PXDN: variants seen among roughly 807,000 people sequenced by gnomAD.
PXDN encodes the protein peroxidasin.
PXDN carries 77 observed loss-of-function variants against 140.3 expected under a neutral mutation model. That is an observed-to-expected ratio of 0.55 (90% CI 0.46 to 0.66). PXDN has a LOEUF of 0.66. PXDN is among the 30% of genes least tolerant of loss of function. PXDN has a pLI of 0.00. For missense variants in PXDN, 1,838 were observed against 2,039.5 expected (o/e 0.90, Z 1.90); for synonymous variants, 911 against 857.4 (o/e 1.06, Z -1.09).
At chr2:1,667,703 T>C (rs1319510728) in intron 9 of PXDN, among the ~76,000 whole-genome samples, 3 of 152,138 alleles carry the variant, frequency 2.0e-5, no homozygotes, top group South Asian at 2.1e-4. Flanking sequence ...CCATTCATGA[T>C]TGCTACAAAG....
Position 1,737,602 on chromosome 2 carries a change from C to T in PXDN, c.200+6654G>A, listed in dbSNP as rs189276418. Among the ~76,000 whole-genome samples the T allele has an allele frequency of 4.2e-4, 64 of 151,834 alleles. 1 individual carries two copies. The East Asian group carries it at 0.012, about 28-fold the overall frequency. ...TCCCCCAAGCTGGAGTTCAGTGGCACGATCTCAACTCACTGCAACCTCTGC... is the reference window on the plus strand; with the variant it reads ...TCCCCCAAGCTGGAGTTCAGTGGCATGATCTCAACTCACTGCAACCTCTGC... On this transcript the variant is annotated intron_variant, in intron 1 of 22. Transcript: ENST00000252804.
chr2:1,744,690 G>T (rs1479125089), upstream of PXDN: 3 of 332,276 alleles, frequency 9.0e-6, no homozygotes, highest in Admixed American at 5.0e-5. Context: ...CGGCCCGCAT[G>T]GCCAAGGCGA....
In PXDN at chr2:1,693,087, C is replaced by A; in HGVS notation, c.248G>T (p.Arg83Met). The A allele has an allele frequency of 6.4e-7, 1 of 1,558,422 alleles. No individual in the cohort carries two copies. Among genetic ancestry groups the A allele is most frequent in the Non-Finnish European group, 8.7e-7 (1 of 1,149,086 alleles). ...RIREIQPGAF[R>M]RLRNLNTLLL... Reference sequence around the variant, plus strand: ...CAATGTGTTCAAGTTCCTCAGCCGCCTGAATGCCCCAGGTTGGATCTCTCT... The same window carrying A: ...CAATGTGTTCAAGTTCCTCAGCCGCATGAATGCCCCAGGTTGGATCTCTCT... Residue 83 changes from arginine to methionine, a missense_variant, in exon 2 of 23, where the codon AGG (arginine) becomes ATG (methionine). Physicochemically the swap from Arg to Met is moderately conservative, Grantham distance 91. Transcript: ENST00000252804.
chr2:1,730,587 C>A (rs975315274), intron 1 of PXDN, among the ~76,000 whole-genome samples: 1 of 152,324 alleles, frequency 6.6e-6, no homozygotes, highest in African/African-American at 2.4e-5. Flanking sequence ...CAGCCACAGG[C>A]AGGGGAGGAG....
rs771155543 is a variant in PXDN, at chr2:1,687,667, C to T, written c.381G>A (p.Arg127=). 2 of 1,533,298 alleles carry T rather than the reference C, an allele frequency of 1.3e-6. No homozygotes were observed. The highest frequency in any genetic ancestry group is 1.1e-5 in the South Asian group (1 of 87,608). 95.0% of individuals were successfully genotyped at this position (1,533,298 alleles called of 1,614,324 possible). ...GAGAGGCAAGTCCCTTAAATGCTTGCCTGTCAATTGACTGGATCTCATTCT... is the reference window on the plus strand; with the variant it reads ...GAGAGGCAAGTCCCTTAAATGCTTGTCTGTCAATTGACTGGATCTCATTCT... ...LYKNEIQSID[R]QAFKGLASLE... is the part of the protein sequence containing the mutation. Residue 127 remains arginine, a synonymous_variant, in exon 4 of 23, where the codon AGG becomes AGA. Coordinates refer to ENST00000252804, the MANE Select transcript of PXDN (RefSeq NM_012293.3). This position sits in a 1 kb window ranked among gnomAD's most constrained non-coding sequence, Gnocchi z 4.0.
rs773445177 is a variant in PXDN, at chr2:1,653,768, T to C, written c.1964A>G (p.Asn655Ser). ...ATACCGGAACAAGGCCAGCAAATCA[T>C]TTGGAGAACGAGGACGGCTAACCAG... ...HLFDSRPRSP[N>S]DLLALFRYPR... Residue 655 changes from asparagine (N) to serine (S), a missense_variant, in exon 16 of 23, where the codon AAT (asparagine) becomes AGT (serine). This residue lies in a region of PXDN where 537 missense variants were observed against 583.9 expected (regional missense o/e 0.92). Transcript: ENST00000252804. 143 of 1,580,338 alleles carry C rather than the reference T, an allele frequency of 9.0e-5. No homozygotes were observed. Among genetic ancestry groups the C allele is most frequent in the Admixed American group, 5.6e-4 (31 of 55,088 alleles).
chr2:1,715,413 G>T (rs1684871817), intron 1 of PXDN, among the ~76,000 whole-genome samples: 1 of 152,196 alleles, frequency 6.6e-6, no homozygotes, highest in Non-Finnish European at 1.5e-5. Flanking sequence ...ATTCCCAGCA[G>T]AATCATGCAA....
At chr2:1,709,536 CCTTT>C (rs1378722344) in intron 1 of PXDN, among the ~76,000 whole-genome samples, 3 of 152,124 alleles carry the variant, frequency 2.0e-5, no homozygotes, top group Non-Finnish European at 4.4e-5. Flanking sequence ...TTGGAGCTTC[CCTTT>C]CTTTATCTCA....
chr2:1,711,153 C>T (rs1684763561), intron 1 of PXDN, among the ~76,000 whole-genome samples: 1 of 123,318 alleles, frequency 8.1e-6, no homozygotes, highest in Non-Finnish European at 1.7e-5. Flanking sequence ...TCCACCAGCA[C>T]CCGCTCCACC....
intron 10 of PXDN, among the ~76,000 whole-genome samples, chr2:1,665,413 ATAT>A (rs1683412603): frequency 6.6e-6 from 1 of 152,188 alleles, no homozygotes; most frequent in African/African-American, 2.4e-5. Flanking sequence ...CCCTAAACTA[ATAT>A]TTGCAAATGC....
At chr2:1,645,818 C>T (rs1483640110) in intron 17 of PXDN, 1 of 152,460 alleles carries the variant, frequency 6.6e-6, no homozygotes, top group African/African-American at 2.4e-5. Context: ...AGAGGACTCC[C>T]TCCTGCTCCG....
chr2:1,662,909 C>T (rs753272652), intron 12 of PXDN, among the ~76,000 whole-genome samples: 3 of 152,202 alleles, frequency 2.0e-5, no homozygotes, highest in Admixed American at 6.5e-5. Context: ...CCCATGGTCC[C>T]CATGACAAGC....
At chr2:1,668,161 T>G (rs1348330602) in intron 9 of PXDN, among the ~76,000 whole-genome samples, 1 of 152,126 alleles carries the variant, frequency 6.6e-6, no homozygotes, top group African/African-American at 2.4e-5. Context: ...TCTACAACCA[T>G]CTGATCTTTG....
Position 1,638,965 on chromosome 2 carries a change from C to G in PXDN, c.4087G>C (p.Gly1363Arg), listed in dbSNP as rs769446659. ...PRKIPSVGRQ[G>R]EHLSNSTSAF... ...GAGGTGCTGTTGCTGAGATGTTCCCCCTGTCTCCCAACACTGTGGTGAGGG... is the reference window on the plus strand; with the variant it reads ...GAGGTGCTGTTGCTGAGATGTTCCCGCTGTCTCCCAACACTGTGGTGAGGG... The change falls in exon 21 of 23, where the codon GGG becomes CGG. Residue 1363 changes from glycine to arginine, a missense_variant. This residue lies in a region of PXDN where 850 missense variants were observed against 894.1 expected (regional missense o/e 0.95). Coordinates refer to ENST00000252804, the MANE Select transcript of PXDN (RefSeq NM_012293.3). 10 of 1,613,882 alleles carry G rather than the reference C, an allele frequency of 6.2e-6. No homozygotes were observed. The highest frequency in any genetic ancestry group is 8.5e-6 in the Non-Finnish European group (10 of 1,179,890).
chr2:1,674,195 C>A (rs7589213), intron 8 of PXDN, among the ~76,000 whole-genome samples: 129,329 of 152,260 alleles, frequency 0.85, 55,268 homozygotes, highest in East Asian at 0.98. Flanking sequence ...AAAGCCAGAG[C>A]TGTATCTATG....
intron 1 of PXDN, among the ~76,000 whole-genome samples, chr2:1,737,298 G>A (rs1685443394): frequency 6.6e-6 from 1 of 152,074 alleles, no homozygotes; most frequent in South Asian, 2.1e-4. Flanking sequence ...AGGAGGGAAA[G>A]CAACATCCTC....
rs185530056 is a variant in PXDN at position 1,652,086 on chromosome 2, T to C, written c.2104+1542A>G. On this transcript the variant is annotated intron_variant, in intron 16 of 22. Transcript: ENST00000252804. ...TTACTCTTTCCTTTCTGTCTTTCCC[T>C]GAGTCTAAATCTTTCTATAATTGGC... Among the ~76,000 whole-genome samples the C allele has an allele frequency of 1.5e-4, 23 of 152,304 alleles. No homozygotes were observed. In the East Asian group the frequency reaches 2.7e-3, roughly 18 times the overall value.
At chr2:1,686,502 C>T (rs143953598) in intron 4 of PXDN, among the ~76,000 whole-genome samples, 345 of 152,302 alleles carry the variant, frequency 2.3e-3, no homozygotes, top group African/African-American at 7.5e-3. Flanking sequence ...TTCCGATCCA[C>T]TCAGGATGGA....
rs190214419 is a variant in PXDN, at chr2:1,733,613, G to A, written c.200+10643C>T. Among the ~76,000 whole-genome samples, 578 of 151,938 alleles carry A rather than the reference G, an allele frequency of 3.8e-3. 7 individuals carry two copies. Among genetic ancestry groups the A allele is most frequent in the African/African-American group, 0.013 (525 of 41,434 alleles). On this transcript the variant is annotated intron_variant, in intron 1 of 22. Coordinates refer to ENST00000252804, the MANE Select transcript of PXDN (RefSeq NM_012293.3). ...AAAAATTAGCCAGGTGTGGCGGTGC[G>A]CGCCTGTAATCCCAGCTACTGAGGA... is the stretch of plus-strand genomic sequence containing the variant.
Sources: allele counts gnomAD v4.1 joint callset (sites outside exome capture counted in the v4.1 genomes callset), GRCh38; gene constraint gnomAD v4.1.1; regional missense constraint gnomAD v4.1.1; non-coding constraint Gnocchi (gnomAD v3.1); transcripts MANE v1.5; gene names NCBI Gene and HGNC (gene_info 2026-07-23, HGNC 2026-07-21).